The following SMOX variants were observed in gnomAD, a reference collection of about 807,000 sequenced individuals.
SMOX encodes the protein spermine oxidase, also known as flavin containing amine oxidase.
In SMOX, 22 loss-of-function variants were observed where a neutral mutation model predicts 51.0. The observed-to-expected ratio is 0.43, with a 90% CI of 0.31 to 0.62. The LOEUF (loss-of-function observed/expected upper bound fraction) is 0.62, where lower values mean the gene tolerates loss of function less well. SMOX is among the 20% of genes least tolerant of loss of function. SMOX has a pLI of 0.10. For synonymous variants in SMOX, 282 were observed against 307.8 expected, an observed-to-expected ratio of 0.92 and a Z score of 0.88; for missense variants, 566 against 777.7, an observed-to-expected ratio of 0.73 and a Z score of 3.24.
rs561253167 is a variant in SMOX at position 4,182,853 on chromosome 20, GC to G, written c.1369+7del. On this transcript the variant is annotated splice_donor_region_variant and intron_variant, in intron 5 of 6. Coordinates refer to ENST00000305958, the MANE Select transcript of SMOX (RefSeq NM_175839.3). This position sits in a 1 kb window ranked among gnomAD's most constrained non-coding sequence, Gnocchi z 8.4. Reference sequence around the variant, plus strand: ...AGATGCTGCGTCAGTTCACAGGTGCGCCACGTGCCCCACGACCCGCTTCCCC... The same window carrying G: ...AGATGCTGCGTCAGTTCACAGGTGCGCACGTGCCCCACGACCCGCTTCCCC... 9.6e-4 allele frequency: 1,541 copies of G among 1,598,348 alleles called. 26 individuals carry two copies. The South Asian group carries it at 0.016, about 17-fold the overall frequency.
At chr20:4,157,912 T>G (rs886862307) in intron 1 of SMOX, among the ~76,000 whole-genome samples, 8 of 151,974 alleles carry the variant, frequency 5.3e-5, no homozygotes, top group Non-Finnish European at 1.2e-4. Context: ...TATTTTTTAT[T>G]TTTTTTGAGT....
chr20:4,182,670 C>T lies in SMOX; in HGVS notation c.1191C>T (p.Leu397=), dbSNP rs576024168. The change falls in exon 5 of 7, where the codon CTC becomes CTT. Residue 397 remains leucine (L), a synonymous_variant. Transcript: ENST00000305958. The surrounding 1 kb of genome is among the most constrained non-coding windows in gnomAD (Gnocchi z 8.4). ...AGGACGAAGCAGAGAGCCACACCCT[C>T]ACCTACCCACCTGAGCTCTGGTACC... is the stretch of plus-strand genomic sequence containing the variant. ...VWEDEAESHT[L]TYPPELWYRK... is the part of the protein sequence containing the mutation. 2 of 1,614,170 alleles carry T rather than the reference C, an allele frequency of 1.2e-6. No homozygotes were observed. Among genetic ancestry groups the T allele is most frequent in the East Asian group, 4.5e-5 (2 of 44,872 alleles).
At chr20:4,168,225 T>C (rs1986655878) in intron 1 of SMOX, among the ~76,000 whole-genome samples, 2 of 152,062 alleles carry the variant, frequency 1.3e-5, no homozygotes, top group African/African-American at 4.8e-5. Flanking sequence ...CCAAGGCTGG[T>C]CGGGGGCAAG....
At chr20:4,178,041 G>A (rs934037899) in intron 3 of SMOX, among the ~76,000 whole-genome samples, 1 of 152,078 alleles carries the variant, frequency 6.6e-6, no homozygotes, top group African/African-American at 2.4e-5. Context: ...TTAATTTTTT[G>A]TTGTTGTTGT....
At chr20:4,171,014 C>T (rs1451964963) in intron 1 of SMOX, among the ~76,000 whole-genome samples, 1 of 152,208 alleles carries the variant, frequency 6.6e-6, no homozygotes, top group African/African-American at 2.4e-5. Flanking sequence ...CTCACACCCC[C>T]ACTTTGCCAT....
rs1979489934 is a variant in SMOX, at chr20:4,183,311, G to A, written c.1370-183G>A. 1 of 784,836 alleles carries A rather than the reference G, an allele frequency of 1.3e-6. No individual in the cohort carries two copies. The highest frequency in any genetic ancestry group is 2.0e-6 in the Non-Finnish European group (1 of 488,788). The allele number at this position is 784,836 out of a possible 1,614,324, so 48.6% of individuals were successfully genotyped here. On this transcript the variant is annotated intron_variant, in intron 5 of 6. Coordinates refer to ENST00000305958, the MANE Select transcript of SMOX (RefSeq NM_175839.3). The surrounding 1 kb of genome is among the most constrained non-coding windows in gnomAD (Gnocchi z 4.3). Reference sequence around the variant, plus strand: ...TTTGCCGGGGGTCACAGGAGGCGCTGAGTGGGTACACAGCTCGAGCCCCAG... The same window carrying A: ...TTTGCCGGGGGTCACAGGAGGCGCTAAGTGGGTACACAGCTCGAGCCCCAG...
chr20:4,161,497 C>T lies in SMOX; in HGVS notation c.-27+12520C>T, dbSNP rs372449071. Among the ~76,000 whole-genome samples, 33 of 152,326 alleles carry T rather than the reference C, an allele frequency of 2.2e-4. No homozygotes were observed. The East Asian group carries it at 5.2e-3, about 24-fold the overall frequency. ...TGTTGTGAAGGGCAAAGATGATGACCAGTTGACACAGTTAGAACTGGTCTG... is the reference window on the plus strand; with the variant it reads ...TGTTGTGAAGGGCAAAGATGATGACTAGTTGACACAGTTAGAACTGGTCTG... On this transcript the variant is annotated intron_variant, in intron 1 of 6. Coordinates refer to ENST00000305958, the MANE Select transcript of SMOX (RefSeq NM_175839.3).
chr20:4,175,047 G>A lies in SMOX; in HGVS notation c.-9G>A, dbSNP rs772397031. 7.4e-6 allele frequency: 12 copies of A among 1,613,864 alleles called. No individual in the cohort carries two copies. Among genetic ancestry groups the A allele is most frequent in the East Asian group, 2.2e-5 (1 of 44,896 alleles). On this transcript the variant is annotated 5_prime_UTR_variant, in exon 2 of 7. Transcript: ENST00000305958. ...CCCTGCAGGTTCCTAGAAGGTGAGCGCGGACGGTATGCAAAGTTGTGAATC... is the reference window on the plus strand; with the variant it reads ...CCCTGCAGGTTCCTAGAAGGTGAGCACGGACGGTATGCAAAGTTGTGAATC...
Position 4,164,664 on chromosome 20 carries a change from G to A in SMOX, c.-26-10366G>A, listed in dbSNP as rs115626918. Reference sequence around the variant, plus strand: ...AGAGAAGTGTCTCTTCCTGGGGTTCGCCGAAGGCTGTGGTGACTTGGGTGC... The same window carrying A: ...AGAGAAGTGTCTCTTCCTGGGGTTCACCGAAGGCTGTGGTGACTTGGGTGC... On this transcript the variant is annotated intron_variant, in intron 1 of 6. Coordinates refer to ENST00000305958, the MANE Select transcript of SMOX (RefSeq NM_175839.3). Among the ~76,000 whole-genome samples, 749 of 152,278 alleles carry A rather than the reference G, an allele frequency of 4.9e-3. 9 individuals are homozygous for A. Among genetic ancestry groups the A allele is most frequent in the African/African-American group, 0.017 (717 of 41,560 alleles).
chr20:4,165,369 A>G (rs1986530014), intron 1 of SMOX, among the ~76,000 whole-genome samples: 2 of 151,934 alleles, frequency 1.3e-5, no homozygotes, highest in South Asian at 4.1e-4. Context: ...TAACTTTTAC[A>G]TTTTTATTTT....
At chr20:4,176,101 A>T (rs1485153110) in intron 2 of SMOX, 1 of 150,422 alleles carries the variant, frequency 6.6e-6, no homozygotes, top group Non-Finnish European at 1.5e-5. Flanking sequence ...GTTCACTGCA[A>T]CCTCTGCTTC....
chr20:4,152,880 G>A (rs890872281), intron 1 of SMOX, among the ~76,000 whole-genome samples: 2 of 152,216 alleles, frequency 1.3e-5, no homozygotes, highest in Non-Finnish European at 2.9e-5. Context: ...CGGGAGGACT[G>A]AGTCATAGTC....
Position 4,167,483 on chromosome 20 carries a change from A to G in SMOX, c.-26-7547A>G, listed in dbSNP as rs1462527075. Among the ~76,000 whole-genome samples the G allele has an allele frequency of 2.6e-5, 4 of 152,118 alleles. No homozygotes were observed. Among genetic ancestry groups the G allele is most frequent in the East Asian group, 1.9e-4 (1 of 5,182 alleles). The stretch of plus-strand genomic sequence containing the variant: ...ACCTATCCCCATTTTACGGATGGGA[A>G]AGCTTGAAGACCAAAGTGAGCCTTT... On this transcript the variant is annotated intron_variant, in intron 1 of 6. Coordinates refer to ENST00000305958, the MANE Select transcript of SMOX (RefSeq NM_175839.3). The surrounding 1 kb of genome is among the most constrained non-coding windows in gnomAD (Gnocchi z 4.8).
rs1008536131 is a variant in SMOX, at chr20:4,187,177, T to C, written c.1531-93T>C. 36 of 1,454,236 alleles carry C rather than the reference T, an allele frequency of 2.5e-5. No homozygotes were observed. The Admixed American group carries it at 3.8e-4, about 15-fold the overall frequency. The allele number at this position is 1,454,236 out of a possible 1,614,324, so 90.1% of individuals were successfully genotyped here. A position where few individuals can be genotyped will look rare whatever the true frequency, so the allele number is the denominator to read the frequency against. On this transcript the variant is annotated intron_variant, in intron 6 of 6. Transcript: ENST00000305958. The surrounding 1 kb of genome is among the most constrained non-coding windows in gnomAD (Gnocchi z 4.8). ...GTCTCAGAGCCTCTCTAATTTGTCATTGGGATGGGAGGTTCTGGTGGAGAG... is the reference window on the plus strand; with the variant it reads ...GTCTCAGAGCCTCTCTAATTTGTCACTGGGATGGGAGGTTCTGGTGGAGAG...
At chr20:4,152,885 A>G (rs1240915085) in intron 1 of SMOX, among the ~76,000 whole-genome samples, 1 of 152,250 alleles carries the variant, frequency 6.6e-6, no homozygotes, top group Non-Finnish European at 1.5e-5. Flanking sequence ...GGACTGAGTC[A>G]TAGTCATACA....
chr20:4,159,069 G>T (rs939997899), intron 1 of SMOX, among the ~76,000 whole-genome samples: 4 of 151,684 alleles, frequency 2.6e-5, no homozygotes, highest in African/African-American at 9.7e-5. Context: ...ATCTGAAAAG[G>T]TTTGGAGTTT....
At chr20:4,158,251 C>T (rs996867475) in intron 1 of SMOX, among the ~76,000 whole-genome samples, 1 of 152,082 alleles carries the variant, frequency 6.6e-6, no homozygotes, top group Non-Finnish European at 1.5e-5. Flanking sequence ...CGTGGGGCAA[C>T]ATTGGCCCTC....
At position 4,166,487 on chromosome 20, in the gene SMOX, A is replaced by G. The variant is rs369100234; in HGVS notation, c.-26-8543A>G. On this transcript the variant is annotated intron_variant, in intron 1 of 6. Transcript: ENST00000305958. This position sits in a 1 kb window ranked among gnomAD's most constrained non-coding sequence, Gnocchi z 4.2. ...CTTGGCCTCCCAAAGTGCTGGAATT[A>G]CAGGTGTGAGCCACTGTGCCCTCCC... Among the ~76,000 whole-genome samples, 3 of 152,266 alleles carry G rather than the reference A, an allele frequency of 2.0e-5. No homozygotes were observed. Among genetic ancestry groups the G allele is most frequent in the African/African-American group, 4.8e-5 (2 of 41,538 alleles).
At position 4,167,121 on chromosome 20, in the gene SMOX, A is replaced by G. The variant is rs145102901; in HGVS notation, c.-26-7909A>G. Among the ~76,000 whole-genome samples, 3,946 of 152,274 alleles carry G rather than the reference A, an allele frequency of 0.026. 82 individuals are homozygous for G. Among genetic ancestry groups the G allele is most frequent in the Non-Finnish European group, 0.038 (2,619 of 68,026 alleles). On this transcript the variant is annotated intron_variant, in intron 1 of 6. Transcript: ENST00000305958. This position sits in a 1 kb window ranked among gnomAD's most constrained non-coding sequence, Gnocchi z 4.8. The stretch of plus-strand genomic sequence containing the variant: ...CCTCTGATGCCCCTTCCCCTCAACA[A>G]TGGGGAGGATGGTCAGGCTGAGTCA...
Sources: allele counts gnomAD v4.1 joint callset (sites outside exome capture counted in the v4.1 genomes callset), GRCh38; gene constraint gnomAD v4.1.1; non-coding constraint Gnocchi (gnomAD v3.1); transcripts MANE v1.5; gene names NCBI Gene and HGNC (gene_info 2026-07-23, HGNC 2026-07-21).